Variants in ELN observed in about 807,000 individuals in gnomAD.
The protein encoded by ELN is tropoelastin.
In ELN, 65 loss-of-function variants were observed where a neutral mutation model predicts 105.8. The observed-to-expected ratio is 0.61, with a 90% CI of 0.50 to 0.75. ELN has a LOEUF of 0.75. Ranked by LOEUF, ELN falls within the 30% of genes least tolerant of loss-of-function variation. The pLI is 0.00. For missense variants in ELN, 882 were observed against 969.4 expected (o/e 0.91, Z 1.20); for synonymous variants, 368 against 389.2 (o/e 0.95, Z 0.64).
chr7:74,030,445 C>T (rs1554661553), intron 1 of ELN, among the ~76,000 whole-genome samples: 1 of 147,920 alleles, frequency 6.8e-6, no homozygotes, highest in African/African-American at 2.5e-5. Flanking sequence ...CTTCCCCATC[C>T]CCCAGAAATA....
intron 19 of ELN, among the ~76,000 whole-genome samples, chr7:74,055,405 A>G (rs1425709840): frequency 6.6e-6 from 1 of 152,104 alleles, no homozygotes; most frequent in African/African-American, 2.4e-5. Flanking sequence ...GCAAGACCCC[A>G]TAAATAAAAT....
At chr7:74,053,523 CCTT>C (rs1794576734) in intron 18 of ELN, among the ~76,000 whole-genome samples, 2 of 152,280 alleles carry the variant, frequency 1.3e-5, no homozygotes, top group African/African-American at 4.8e-5. Context: ...TTCCAATTGA[CCTT>C]CTGGCTATCA....
intron 8 of ELN, 84 bp from the exon 9 acceptor site, chr7:74,043,795 T>G: frequency 1.2e-5 from 19 of 1,550,110 alleles, no homozygotes; most frequent in Middle Eastern, 1.8e-4. Flanking sequence ...TTGAGGGCCT[T>G]GGAGCTGCCT....
intron 1 of ELN, among the ~76,000 whole-genome samples, chr7:74,032,472 C>T (rs899058143): frequency 7.2e-5 from 11 of 152,220 alleles, no homozygotes; most frequent in African/African-American, 2.7e-4. Flanking sequence ...AAAGTCCTTT[C>T]CAATTTCCAG....
chr7:74,067,243 AC>A (rs1415558154), intron 32 of ELN, among the ~76,000 whole-genome samples: 2 of 151,084 alleles, frequency 1.3e-5, no homozygotes, highest in African/African-American at 4.9e-5. Flanking sequence ...AAACGGTGAA[AC>A]CCCGTCTCTA....
At chr7:74,043,212 G>A (rs375205199) in intron 8 of ELN, 44 bp downstream of exon 8, 5 of 1,557,948 alleles carry the variant, frequency 3.2e-6, no homozygotes, top group East Asian at 2.4e-5. Context: ...GGGCAGGGAG[G>A]GGCAGAGGGC....
At chr7:74,048,819 CCATT>C (rs1394825967) in intron 15 of ELN, among the ~76,000 whole-genome samples, 2 of 151,954 alleles carry the variant, frequency 1.3e-5, no homozygotes, top group African/African-American at 4.8e-5. Context: ...ATCCATCCAT[CCATT>C]CATGTACTCA....
chr7:74,052,051 C>T (rs1256258100), intron 17 of ELN, 68 bp downstream of exon 17: 64 of 1,583,060 alleles, frequency 4.0e-5, no homozygotes, highest in Admixed American at 1.3e-4. Context: ...ACCCTAGCCG[C>T]AAAGCCAGAT....
chr7:74,060,352 G>A (rs368298531), intron 24 of ELN, 24 bp from the exon 25 acceptor site: 139 of 1,613,952 alleles, frequency 8.6e-5, no homozygotes, highest in Non-Finnish European at 1.1e-4. Context: ...GCCTGCTGTC[G>A]CCACCACTGC....
chr7:74,058,249 T>TTTC (rs75113520), intron 22 of ELN, among the ~76,000 whole-genome samples: 41,465 of 132,348 alleles, frequency 0.31, 6,822 homozygotes, highest in African/African-American at 0.49. Context: ...TTTCTCCTTC[T>TTTC]TTCTTCTTCT....
At chr7:74,047,762 T>G (rs201075683) in intron 13 of ELN, 46 bp downstream of exon 13, 2 of 1,613,300 alleles carry the variant, frequency 1.2e-6, no homozygotes, top group Middle Eastern at 1.7e-4. Flanking sequence ...TCTTTCCCTC[T>G]CCAGGGTCCT....
rs35074680 is a variant in ELN at position 74,067,762 on chromosome 7, CA to C, written c.2132-879del. Among the ~76,000 whole-genome samples the C allele has an allele frequency of 8.2e-3, 819 of 100,022 alleles. 4 individuals are homozygous for C. The highest frequency in any genetic ancestry group is 0.015 in the African/African-American group (419 of 27,324). The allele number at this position is 100,022 out of a possible 152,430, so 65.6% of individuals were successfully genotyped here. A position where few individuals can be genotyped will look rare whatever the true frequency, so the allele number is the denominator to read the frequency against. On this transcript the variant is annotated intron_variant, in intron 32 of 32. Transcript: ENST00000252034. ...TGGGCGGCACAGCAAGACTCCGTCT[CA>C]AAAAAAAAAAAAAAATTAGCCAGGT... is the stretch of plus-strand genomic sequence containing the variant.
At chr7:74,042,731 C>A in intron 6 of ELN, 25 bp downstream of exon 6, 1 of 1,610,274 alleles carries the variant, frequency 6.2e-7, no homozygotes, top group Non-Finnish European at 8.5e-7. Flanking sequence ...TTGGGACATG[C>A]CACAAGCCCT....
At chr7:74,043,294 G>T in intron 8 of ELN, 126 bp downstream of exon 8, 1 of 1,391,272 alleles carries the variant, frequency 7.2e-7, no homozygotes, top group South Asian at 1.2e-5. Flanking sequence ...CAGTCGGGCA[G>T]AGAAACTAGC....
chr7:74,048,126 CCT>C lies in ELN; in HGVS notation c.686-11_686-10del, dbSNP rs1554673583. On this transcript the variant is annotated splice_polypyrimidine_tract_variant and intron_variant, in intron 13 of 32. Transcript: ENST00000252034. Reference sequence around the variant, plus strand: ...GATGTCTGCACAGATGACCATCAAGCCTCTCTGTTTTGCAGGCTATGGGCCCG... The same window carrying C: ...GATGTCTGCACAGATGACCATCAAGCCTCTGTTTTGCAGGCTATGGGCCCG... The C allele has an allele frequency of 3.7e-6, 6 of 1,613,878 alleles. No homozygotes were observed. The South Asian group carries it at 6.6e-5, about 18-fold the overall frequency.
chr7:74,058,880 G>A (rs984639559), intron 22 of ELN, among the ~76,000 whole-genome samples: 4 of 152,130 alleles, frequency 2.6e-5, no homozygotes, highest in Non-Finnish European at 2.9e-5. Flanking sequence ...AGAGCATTTC[G>A]ACTGCAGGTC....
chr7:74,031,775 TAAAAAGAAAG>T lies in ELN; in HGVS notation c.82+3520_82+3529del, dbSNP rs567626565. Among the ~76,000 whole-genome samples, 809 of 141,062 alleles carry T rather than the reference TAAAAAGAAAG, an allele frequency of 5.7e-3. 9 individuals carry two copies. The highest frequency in any genetic ancestry group is 0.02 in the African/African-American group (771 of 37,862). 92.5% of individuals were successfully genotyped at this position (141,062 alleles called of 152,430 possible). ...TCTATTTAAAAAATAAATGAATATT[TAAAAAGAAAG>T]AAAAAGAAAGAAAGAGAGAGAGAGA... On this transcript the variant is annotated intron_variant, in intron 1 of 32. Coordinates refer to ENST00000252034, the MANE Select transcript of ELN (RefSeq NM_000501.4).
chr7:74,034,314 G>T (rs1554664207), intron 1 of ELN, among the ~76,000 whole-genome samples: 1 of 152,106 alleles, frequency 6.6e-6, no homozygotes. Context: ...GCTCAGCTCG[G>T]GAAGGGAGTG....
At chr7:74,038,706 G>T (rs1304712797) in intron 4 of ELN, among the ~76,000 whole-genome samples, 1 of 152,234 alleles carries the variant, frequency 6.6e-6, no homozygotes, top group Non-Finnish European at 1.5e-5. Flanking sequence ...TGTTGCCCTG[G>T]CTCAGAAGCC....
Sources: allele counts gnomAD v4.1 joint callset (sites outside exome capture counted in the v4.1 genomes callset), GRCh38; gene constraint gnomAD v4.1.1; transcripts MANE v1.5; gene names NCBI Gene and HGNC (gene_info 2026-07-23, HGNC 2026-07-21).